Variants in CDC42BPB observed in about 807,000 individuals in gnomAD.
CDC42BPB encodes the protein CDC42 binding protein kinase beta.
Under a neutral mutation model 214.9 loss-of-function variants are expected in CDC42BPB, and 37 were observed. The ratio of observed to expected loss-of-function variants is 0.17; its 90% CI spans 0.13 to 0.23. The LOEUF (loss-of-function observed/expected upper bound fraction) is 0.23. CDC42BPB is among the 10% of genes least tolerant of loss of function. The pLI is 1.00. For synonymous variants in CDC42BPB, 931 were observed against 884.0 expected (o/e 1.05, Z -0.94); for missense variants, 1,694 against 2,227.0 (o/e 0.76, Z 4.82).
chr14:102,957,439 C>G (rs551976948), intron 21 of CDC42BPB, among the ~76,000 whole-genome samples: 1 of 152,302 alleles, frequency 6.6e-6, no homozygotes, highest in South Asian at 2.1e-4. Flanking sequence ...ATTCAGTGAT[C>G]AAGCACCATC....
At chr14:103,056,923 G>GGCGGGCGTGGGGATGC in intron 1 of CDC42BPB, 76 bp downstream of exon 1, 2 of 1,081,322 alleles carry the variant, frequency 1.8e-6, no homozygotes, top group Non-Finnish European at 2.5e-6. Context: ...GGCGGGGATG[G>GGCGGGCGTGGGGATGC]GCGGGCGTGG....
At chr14:102,938,980 A>G (rs972183388) in intron 34 of CDC42BPB, among the ~76,000 whole-genome samples, 4 of 150,174 alleles carry the variant, frequency 2.7e-5, no homozygotes, top group Non-Finnish European at 4.4e-5. Context: ...TCTGTCACCC[A>G]GGCTGGAGTG....
chr14:103,005,011 C>CA (rs894964606), intron 3 of CDC42BPB, among the ~76,000 whole-genome samples: 2 of 151,456 alleles, frequency 1.3e-5, no homozygotes, highest in Admixed American at 6.6e-5. Flanking sequence ...ATTAAAAATA[C>CA]AAAAAAATTA....
chr14:103,057,371 G>A lies in CDC42BPB; in HGVS notation c.-198C>T, dbSNP rs905834416. 6.1e-6 allele frequency: 6 copies of A among 983,830 alleles called. No individual in the cohort carries two copies. In the Admixed American group the frequency reaches 1.8e-4, roughly 29 times the overall value. 60.9% of individuals were successfully genotyped at this position (983,830 alleles called of 1,614,324 possible). On this transcript the variant is annotated 5_prime_UTR_variant, in exon 1 of 37. Coordinates refer to ENST00000361246, the MANE Select transcript of CDC42BPB (RefSeq NM_006035.4). The stretch of plus-strand genomic sequence containing the variant: ...CCGACGGCGCAGAGTCTGGGGCGCC[G>A]GGCCCCGCGGGTCCATGGGCCGCTC...
Position 102,940,262 on chromosome 14 carries a change from T to C in CDC42BPB, c.4471A>G (p.Thr1491Ala), listed in dbSNP as rs1260441132. The C allele has an allele frequency of 6.3e-7, 1 of 1,598,282 alleles. No homozygotes were observed. The highest frequency in any genetic ancestry group is 8.5e-7 in the Non-Finnish European group (1 of 1,172,410). Residue 1491 changes from threonine (T) to alanine (A), a missense_variant, in exon 31 of 37, where the codon ACC becomes GCC. Around this residue, in one of 7 missense-constraint regions of CDC42BPB, gnomAD observed 567 missense variants for 790.3 expected, o/e 0.72. Coordinates refer to ENST00000361246, the MANE Select transcript of CDC42BPB (RefSeq NM_006035.4). ...EYGVDVFDVR[T>A]MEWVQTIGLR... ...CCGATGGTCTGCACCCACTCCATGG[T>C]GCGCACATCAAAGACGTCCACGCCA...
At position 102,968,715 on chromosome 14, in the gene CDC42BPB, A is replaced by T. The variant is rs540629746; in HGVS notation, c.1997T>A (p.Val666Glu). Residue 666 changes from valine to glutamate, a missense_variant and splice_region_variant, in exon 15 of 37, where the codon GTG becomes GAG. By Grantham distance (121) the Val-to-Glu change is moderately radical (BLOSUM62 -2). Around this residue, in one of 7 missense-constraint regions of CDC42BPB, gnomAD observed 462 missense variants for 513.5 expected, o/e 0.90. Transcript: ENST00000361246. ...ACCCGCTCCCCGGCCTCCTTGCTTC[A>T]CCTGAAGACAAAGGTTAACATAAAT... is the stretch of plus-strand genomic sequence containing the variant. ...QMESELEALK[V>E]KQGGRGAGAT... 2.5e-6 allele frequency: 4 copies of T among 1,613,356 alleles called. No homozygotes were observed. The East Asian group carries it at 8.9e-5, about 36-fold the overall frequency.
At chr14:103,016,055 G>A (rs567956341) in intron 1 of CDC42BPB, among the ~76,000 whole-genome samples, 51 of 152,272 alleles carry the variant, frequency 3.3e-4, no homozygotes, top group South Asian at 2.1e-3. Flanking sequence ...TGGACAAAGG[G>A]CCCTGTAAAA....
At chr14:103,016,616 G>A (rs764529796) in intron 1 of CDC42BPB, among the ~76,000 whole-genome samples, 4 of 152,114 alleles carry the variant, frequency 2.6e-5, no homozygotes, top group Non-Finnish European at 5.9e-5. Context: ...GATCAGATAA[G>A]CAACATTCAG....
Position 103,001,377 on chromosome 14 carries a change from T to C in CDC42BPB, c.448-1664A>G, listed in dbSNP as rs541598839. On this transcript the variant is annotated intron_variant, in intron 4 of 36. Transcript: ENST00000361246. The surrounding 1 kb of genome is among the most constrained non-coding windows in gnomAD (Gnocchi z 5.8). ...CGTGGCCAGCATGGAGAGCAGGCAG[T>C]GGTGAGCGCCAGCTGACCGCAGGCC... is the stretch of plus-strand genomic sequence containing the variant. Among the ~76,000 whole-genome samples, 1 of 152,200 alleles carries C rather than the reference T, an allele frequency of 6.6e-6. No individual in the cohort carries two copies. The highest frequency in any genetic ancestry group is 6.5e-5 in the Admixed American group (1 of 15,292).
chr14:103,000,850 G>A (rs1894946201), intron 4 of CDC42BPB, among the ~76,000 whole-genome samples: 1 of 152,070 alleles, frequency 6.6e-6, no homozygotes, highest in Non-Finnish European at 1.5e-5. Context: ...AGACCCCATC[G>A]ACACGGGAGG....
In CDC42BPB at chr14:102,940,170, GCA is replaced by G. The variant is rs768423362; in HGVS notation, c.4507-42_4507-41del. ...AGGGAGGGACAGTAAGCGCGGCCAC[GCA>G]CAGACTGCACCGGGAGAAGCCCGCC... On this transcript the variant is annotated intron_variant, in intron 31 of 36. Coordinates refer to ENST00000361246, the MANE Select transcript of CDC42BPB (RefSeq NM_006035.4). 3.1e-6 allele frequency: 5 copies of G among 1,613,556 alleles called. No homozygotes were observed. In the South Asian group the frequency reaches 3.3e-5, roughly 11 times the overall value.
At chr14:103,022,808 A>C (rs1886843678) in intron 1 of CDC42BPB, among the ~76,000 whole-genome samples, 1 of 152,134 alleles carries the variant, frequency 6.6e-6, no homozygotes, top group Non-Finnish European at 1.5e-5. Context: ...GAACACAGCC[A>C]ATTCCTTGAA....
At position 103,004,253 on chromosome 14, in the gene CDC42BPB, T is replaced by C; in HGVS notation, c.352-230A>G. The stretch of plus-strand genomic sequence containing the variant: ...GGCTGCTGAGGAGGCACTTGCACCC[T>C]GCTGTCCCACGGGCACCATTTCTGT... On this transcript the variant is annotated intron_variant, in intron 3 of 36. Transcript: ENST00000361246. The surrounding 1 kb of genome is among the most constrained non-coding windows in gnomAD (Gnocchi z 5.3). 1.8e-6 allele frequency: 2 copies of C among 1,135,672 alleles called. No individual in the cohort carries two copies. The highest frequency in any genetic ancestry group is 3.2e-5 in the African/African-American group (2 of 62,750). The allele number at this position is 1,135,672 out of a possible 1,614,324, so 70.3% of individuals were successfully genotyped here. A position where few individuals can be genotyped will look rare whatever the true frequency, so the allele number is the denominator to read the frequency against.
intron 1 of CDC42BPB, among the ~76,000 whole-genome samples, chr14:103,014,373 G>T (rs994272582): frequency 1.3e-5 from 2 of 152,088 alleles, no homozygotes; most frequent in African/African-American, 4.8e-5. Context: ...GCCCAAATCT[G>T]CATGTTTTAT....
chr14:103,006,334 C>G (rs1885817502), intron 3 of CDC42BPB, among the ~76,000 whole-genome samples: 1 of 152,274 alleles, frequency 6.6e-6, no homozygotes, highest in African/African-American at 2.4e-5. Context: ...CCCCGAGGAT[C>G]TGCGGCACCT....
chr14:102,958,992 A>AAAGTG (rs76619706), intron 21 of CDC42BPB, among the ~76,000 whole-genome samples: 1 of 142,940 alleles, frequency 7.0e-6, no homozygotes. Flanking sequence ...AATTTGTATT[A>AAAGTG]TTTTCTTGAA....
At chr14:102,934,802 G>A (rs1891567023) in intron 36 of CDC42BPB, among the ~76,000 whole-genome samples, 1 of 151,916 alleles carries the variant, frequency 6.6e-6, no homozygotes, top group African/African-American at 2.4e-5. Context: ...ATGAGGTCAG[G>A]AGATTGAGAC....
At chr14:102,976,790 G>A (rs1320934064) in intron 9 of CDC42BPB, among the ~76,000 whole-genome samples, 4 of 152,190 alleles carry the variant, frequency 2.6e-5, no homozygotes, top group Non-Finnish European at 5.9e-5. Context: ...AGCCCTGCGG[G>A]ATCTGTCAAG....
chr14:102,971,407 C>A (rs1893466821), intron 13 of CDC42BPB, among the ~76,000 whole-genome samples: 1 of 152,200 alleles, frequency 6.6e-6, no homozygotes, highest in South Asian at 2.1e-4. Context: ...GTAATCATTC[C>A]AACAGTGTCG....
Sources: allele counts gnomAD v4.1 joint callset (sites outside exome capture counted in the v4.1 genomes callset), GRCh38; gene constraint gnomAD v4.1.1; regional missense constraint gnomAD v4.1.1; non-coding constraint Gnocchi (gnomAD v3.1); transcripts MANE v1.5; gene names NCBI Gene and HGNC (gene_info 2026-07-23, HGNC 2026-07-21).